Variants in CCDC180 observed in about 807,000 individuals in gnomAD.
CCDC180 encodes coiled-coil domain-containing protein 180.
CCDC180 carries 154 observed loss-of-function variants against 209.2 expected under a neutral mutation model. The ratio of observed to expected loss-of-function variants is 0.74; its 90% confidence interval spans 0.65 to 0.84. CCDC180 has a LOEUF of 0.84. Among genes scored for constraint, CCDC180 ranks in the 40% least tolerant of loss-of-function variants. CCDC180 has a pLI of 0.00. For synonymous variants in CCDC180, 778 were observed against 749.1 expected (o/e 1.04, Z -0.63); for missense variants, 1,874 against 1,997.3 (o/e 0.94, Z 1.18).
chr9:97,327,193 G>A (rs1470656630), intron 15 of CCDC180, among the ~76,000 whole-genome samples: 1 of 151,888 alleles, frequency 6.6e-6, no homozygotes, highest in Non-Finnish European at 1.5e-5. Flanking sequence ...ATTTAAACAT[G>A]TACATTCTTG....
At chr9:97,342,236 A>C (rs1826107078) in intron 18 of CCDC180, among the ~76,000 whole-genome samples, 1 of 152,338 alleles carries the variant, frequency 6.6e-6, no homozygotes, top group East Asian at 1.9e-4. Context: ...TGGAAATGCA[A>C]AAATCACCCA....
chr9:97,350,312 C>T lies in CCDC180; in HGVS notation c.2856-97C>T, dbSNP rs1181888393. 6 of 1,240,584 alleles carry T rather than the reference C, an allele frequency of 4.8e-6. No individual in the cohort carries two copies. In the South Asian group the frequency reaches 7.2e-5, roughly 15 times the overall value. 76.8% of individuals were successfully genotyped at this position (1,240,584 alleles called of 1,614,324 possible). On this transcript the variant is annotated intron_variant, in intron 21 of 36. Coordinates refer to ENST00000529487, the MANE Select transcript of CCDC180 (RefSeq NM_020893.6). ...TGGTCATTATCGTGACCGGCCCCTC[C>T]CTTGTCCCTCAGGCTGATCACCATC...
intron 25 of CCDC180, among the ~76,000 whole-genome samples, chr9:97,358,618 A>G (rs531649997): frequency 6.6e-6 from 1 of 152,230 alleles, no homozygotes; most frequent in South Asian, 2.1e-4. Flanking sequence ...GAATGACAGC[A>G]CACCCTTCAA....
rs192052301 is a variant in CCDC180, at chr9:97,340,498, A to G, written c.2275-2842A>G. Among the ~76,000 whole-genome samples the G allele has an allele frequency of 5.5e-3, 845 of 152,350 alleles. 8 individuals are homozygous for G. The highest frequency in any genetic ancestry group is 0.02 in the African/African-American group (814 of 41,582). On this transcript the variant is annotated intron_variant, in intron 18 of 36. Coordinates refer to ENST00000529487, the MANE Select transcript of CCDC180 (RefSeq NM_020893.6). ...TTAGATATGATTATATACGAATATC[A>G]TTAATCATTAGTTTGTAGCAATTAC...
chr9:97,349,363 G>C, intron 21 of CCDC180, 72 bp downstream of exon 21: 1 of 1,338,782 alleles, frequency 7.5e-7, no homozygotes, highest in Non-Finnish European at 1.0e-6. Flanking sequence ...GCTTTCAAAG[G>C]AGCCCCCCTC....
At chr9:97,318,379 C>G (rs1833246536) in intron 9 of CCDC180, 84 bp from the exon 10 acceptor site, 5 of 1,521,932 alleles carry the variant, frequency 3.3e-6, no homozygotes, top group Non-Finnish European at 4.5e-6. Context: ...GCTCTGAATG[C>G]TGTCACCATG....
In CCDC180 at chr9:97,352,887, T is replaced by C. The variant is rs930998617; in HGVS notation, c.3003-1682T>C. 9.2e-4 allele frequency among the ~76,000 whole-genome samples: 139 copies of C among 151,852 alleles called. 1 individual carries two copies. Among genetic ancestry groups the C allele is most frequent in the African/African-American group, 3.3e-3 (136 of 41,426 alleles). On this transcript the variant is annotated intron_variant, in intron 22 of 36. Transcript: ENST00000529487. ...GTTGAACCTTCTGCAAATCTATTCA[T>C]TGAGTTTTCAATTTTAATTATTATA...
intron 14 of CCDC180, among the ~76,000 whole-genome samples, chr9:97,325,831 C>G (rs865860826): frequency 3.9e-5 from 6 of 152,234 alleles, no homozygotes; most frequent in Admixed American, 1.3e-4. Context: ...AAGCCACTGA[C>G]AGAGTGAAAC....
intron 16 of CCDC180, among the ~76,000 whole-genome samples, chr9:97,329,315 T>C (rs1825657211): frequency 6.6e-6 from 1 of 152,198 alleles, no homozygotes; most frequent in Admixed American, 6.5e-5. Flanking sequence ...TGTAGAGGAC[T>C]TGCCCAAGAT....
At chr9:97,353,326 A>C (rs150730859) in intron 22 of CCDC180, among the ~76,000 whole-genome samples, 3 of 152,134 alleles carry the variant, frequency 2.0e-5, no homozygotes, top group Non-Finnish European at 2.9e-5. Context: ...TACTTTTTCA[A>C]AACTGCCTGC....
intron 18 of CCDC180, among the ~76,000 whole-genome samples, chr9:97,341,993 A>G (rs1223067703): frequency 6.6e-6 from 1 of 152,252 alleles, no homozygotes; most frequent in Non-Finnish European, 1.5e-5. Context: ...GGTGCAGGAT[A>G]TAATCTCCTG....
At chr9:97,365,537 C>T in intron 29 of CCDC180, 136 bp from the exon 30 acceptor site, 1 of 750,168 alleles carries the variant, frequency 1.3e-6, no homozygotes, top group Non-Finnish European at 2.4e-6. Context: ...GTGCAGAGGT[C>T]CTGGGGCAGC....
In CCDC180 at chr9:97,314,418, CAG is replaced by C. The variant is rs775471989; in HGVS notation, c.486_487del (p.Gly164ThrfsTer8). ...GAAATGGAACCTCTCATCGTGGACA[CAG>C]GGGGACTTTTTTTGAAGAAGCTGAC... On this transcript the variant is annotated frameshift_variant, in exon 6 of 37. Transcript: ENST00000529487. LOFTEE classifies it high-confidence loss of function. The C allele has an allele frequency of 4.8e-5, 77 of 1,614,010 alleles. No homozygotes were observed. Among genetic ancestry groups the C allele is most frequent in the Middle Eastern group, 1.6e-4 (1 of 6,084 alleles).
At chr9:97,312,066 G>C (rs1248580456) in intron 3 of CCDC180, 47 bp from the exon 4 acceptor site, 1 of 1,532,494 alleles carries the variant, frequency 6.5e-7, no homozygotes, top group Non-Finnish European at 9.0e-7. Context: ...AGCTGCCATG[G>C]ATGGCATCAG....
Position 97,314,683 on chromosome 9 carries a change from GC to G in CCDC180, c.655del (p.Leu219TrpfsTer16), listed in dbSNP as rs1194170984. ...LLLRKQEIKE[L>X]DEALHSLEFS... ...TGCTCCGGAAGCAGGAGATTAAGGA[GC>G]TGGATGAGGCCCTGCACTCGCTGGA... is the stretch of plus-strand genomic sequence containing the variant. On this transcript the variant is annotated frameshift_variant, in exon 7 of 37. Transcript: ENST00000529487. LOFTEE classifies it high-confidence loss of function. 5.6e-6 allele frequency: 9 copies of G among 1,614,086 alleles called. No individual in the cohort carries two copies.
chr9:97,349,671 C>T (rs913049050), intron 21 of CCDC180, among the ~76,000 whole-genome samples: 10 of 152,090 alleles, frequency 6.6e-5, no homozygotes, highest in African/African-American at 2.4e-4. Flanking sequence ...GGTTGAATTC[C>T]ACAATCAGTG....
intron 13 of CCDC180, among the ~76,000 whole-genome samples, chr9:97,324,291 C>G (rs901504568): frequency 2.6e-5 from 4 of 152,202 alleles, no homozygotes; most frequent in Admixed American, 2.0e-4. Context: ...GCCATCAGGT[C>G]TCTGACGCAC....
At chr9:97,347,558 T>G in intron 20 of CCDC180, 69 bp downstream of exon 20, 1 of 1,419,900 alleles carries the variant, frequency 7.0e-7, no homozygotes, top group Non-Finnish European at 9.5e-7. Context: ...CCACCGCGGC[T>G]CCATGTTCAT....
rs1826940832 is a variant in CCDC180 at position 97,366,997 on chromosome 9, T to C, written c.4189+297T>C. ...GCTTTGTTGAGATACTTGGGTACCA[T>C]AAAATTTACACATGTAGTGTACTCA... On this transcript the variant is annotated intron_variant, in intron 31 of 36. Transcript: ENST00000529487. This position sits in a 1 kb window ranked among gnomAD's most constrained non-coding sequence, Gnocchi z 4.3. 6.6e-6 allele frequency among the ~76,000 whole-genome samples: 1 copy of C among 152,238 alleles called. No homozygotes were observed. The highest frequency in any genetic ancestry group is 1.9e-4 in the East Asian group (1 of 5,200).
Sources: allele counts gnomAD v4.1 joint callset (sites outside exome capture counted in the v4.1 genomes callset), GRCh38; gene constraint gnomAD v4.1.1; non-coding constraint Gnocchi (gnomAD v3.1); transcripts MANE v1.5; gene names NCBI Gene and HGNC (gene_info 2026-07-23, HGNC 2026-07-21).